Variants in DAZAP1 observed in about 807,000 individuals in gnomAD.
DAZAP1 encodes the protein DAZ associated protein 1, also known as DAZ-associated protein 1.
DAZAP1 carries 6 observed loss-of-function variants against 60.1 expected under a neutral mutation model. The observed-to-expected ratio is 0.10, with a 90% confidence interval of 0.05 to 0.20. The LOEUF is 0.20. DAZAP1 is among the 10% of genes least tolerant of loss of function. The probability of loss-of-function intolerance (pLI) is 1.00; values close to 1 mark genes in which losing one functional copy is unlikely to be tolerated. For missense variants in DAZAP1, 366 were observed against 560.4 expected (o/e 0.65, Z 3.50); for synonymous variants, 235 against 215.9 (o/e 1.09, Z -0.78).
Position 1,435,182 on chromosome 19 carries a change from G to GT in DAZAP1, c.*273dup. 1 of 238,340 alleles carries GT rather than the reference G, an allele frequency of 4.2e-6. No homozygotes were observed. Among genetic ancestry groups the GT allele is most frequent in the Non-Finnish European group, 8.0e-6 (1 of 124,534 alleles). 14.8% of individuals were successfully genotyped at this position (238,340 alleles called of 1,614,324 possible). On this transcript the variant is annotated 3_prime_UTR_variant, in exon 12 of 12. Transcript: ENST00000233078. ...CTTCAGCTTTAATTCAAAACTTCAG[G>GT]TTTCTTTTTCTTCCTTTTTTTTGGA...
intron 2 of DAZAP1, 83 bp downstream of exon 2, chr19:1,417,623 C>A: frequency 7.7e-7 from 1 of 1,291,452 alleles, no homozygotes; most frequent in Non-Finnish European, 1.1e-6. Context: ...CCGCCTCTTG[C>A]TACTGTCTTG....
At chr19:1,415,394 GTT>G (rs3837987) in intron 1 of DAZAP1, among the ~76,000 whole-genome samples, 11 of 69,836 alleles carry the variant, frequency 1.6e-4, no homozygotes, top group African/African-American at 4.2e-4. Flanking sequence ...TGTGTGTTTT[GTT>G]TTTTTTTTTT....
intron 1 of DAZAP1, among the ~76,000 whole-genome samples, chr19:1,411,166 A>G (rs3786976): frequency 0.041 from 6,212 of 152,222 alleles, 165 homozygotes; most frequent in Middle Eastern, 0.086. Context: ...AGTGATAGGG[A>G]ACCTCATGGG....
At position 1,430,963 on chromosome 19, in the gene DAZAP1, C is replaced by T. The variant is rs191595901; in HGVS notation, c.871+601C>T. On this transcript the variant is annotated intron_variant, in intron 10 of 11. Coordinates refer to ENST00000233078, the MANE Select transcript of DAZAP1 (RefSeq NM_018959.4). ...GTCTCGATCTCCTGACCTTGTGATC[C>T]GCCTGCCTCGGCCTCCCAAAGTGCT... Among the ~76,000 whole-genome samples, 367 of 151,522 alleles carry T rather than the reference C, an allele frequency of 2.4e-3. 2 individuals carry two copies. Among genetic ancestry groups the T allele is most frequent in the African/African-American group, 8.4e-3 (347 of 41,258 alleles).
At position 1,421,277 on chromosome 19, in the gene DAZAP1, C is replaced by T. The variant is rs371670210; in HGVS notation, c.414+19C>T. The T allele has an allele frequency of 3.4e-5, 55 of 1,603,276 alleles. No individual in the cohort carries two copies. The highest frequency in any genetic ancestry group is 5.4e-5 in the African/African-American group (4 of 74,740). ...CGGAGTGGTGAGTTTCTCCCCACCC[C>T]GGCAGCACTGTGGGGACAGAGCCGC... is the stretch of plus-strand genomic sequence containing the variant. On this transcript the variant is annotated intron_variant, in intron 5 of 11. Coordinates refer to ENST00000233078, the MANE Select transcript of DAZAP1 (RefSeq NM_018959.4).
chr19:1,412,385 CA>C lies in DAZAP1; in HGVS notation c.29+4584del, dbSNP rs560910431. Reference sequence around the variant, plus strand: ...TCTGGAAGAAGAGAAGGGTTCCCCACACATCAGCCGCCACTGGGCCTGGACT... The same window carrying C: ...TCTGGAAGAAGAGAAGGGTTCCCCACCATCAGCCGCCACTGGGCCTGGACT... On this transcript the variant is annotated intron_variant, in intron 1 of 11. Coordinates refer to ENST00000233078, the MANE Select transcript of DAZAP1 (RefSeq NM_018959.4). Among the ~76,000 whole-genome samples, 464 of 152,332 alleles carry C rather than the reference CA, an allele frequency of 3.0e-3. 3 individuals carry two copies. The highest frequency in any genetic ancestry group is 0.011 in the African/African-American group (447 of 41,566).
At position 1,434,045 on chromosome 19, in the gene DAZAP1, C is replaced by A. The variant is rs1350140041; in HGVS notation, c.1049-692C>A. ...TGCCCACGTGCACCCGAATGGGAACCCAGAGGTCGTGGGAGGGGCTTCCTG... is the reference window on the plus strand; with the variant it reads ...TGCCCACGTGCACCCGAATGGGAACACAGAGGTCGTGGGAGGGGCTTCCTG... On this transcript the variant is annotated intron_variant, in intron 11 of 11. Transcript: ENST00000233078. This position sits in a 1 kb window ranked among gnomAD's most constrained non-coding sequence, Gnocchi z 8.0. 8.7e-6 allele frequency: 5 copies of A among 577,564 alleles called. No individual in the cohort carries two copies. Among genetic ancestry groups the A allele is most frequent in the Non-Finnish European group, 1.5e-5 (5 of 323,652 alleles). 35.8% of individuals were successfully genotyped at this position (577,564 alleles called of 1,614,324 possible). A position where few individuals can be genotyped will look rare whatever the true frequency, so the allele number is the denominator to read the frequency against.
Position 1,423,186 on chromosome 19 carries a change from G to A in DAZAP1, c.463+790G>A, listed in dbSNP as rs1281497576. The stretch of plus-strand genomic sequence containing the variant: ...GGGGCAGCCCCGAGCGCCAGGTGGC[G>A]CCGCAGCATGCCCACCATGCTGGAG... On this transcript the variant is annotated intron_variant, in intron 6 of 11. Coordinates refer to ENST00000233078, the MANE Select transcript of DAZAP1 (RefSeq NM_018959.4). The surrounding 1 kb of genome is among the most constrained non-coding windows in gnomAD (Gnocchi z 6.8). Among the ~76,000 whole-genome samples, 2 of 152,338 alleles carry A rather than the reference G, an allele frequency of 1.3e-5. No homozygotes were observed. The highest frequency in any genetic ancestry group is 2.4e-5 in the African/African-American group (1 of 41,584).
intron 8 of DAZAP1, 129 bp from the exon 9 acceptor site, chr19:1,429,838 G>A (rs1306720960): frequency 1.7e-5 from 19 of 1,149,440 alleles, no homozygotes; most frequent in East Asian, 2.6e-5. Context: ...CCCTCAGGAC[G>A]AACAGGCTCT....
rs552774640 is a variant in DAZAP1, at chr19:1,416,122, C to T, written c.30-1378C>T. ...TGATGAGAGGTGATGAGTGTGCCAG[C>T]CACCTTGCAGGGGTCTTTCCTGGCG... On this transcript the variant is annotated intron_variant, in intron 1 of 11. Transcript: ENST00000233078. This position sits in a 1 kb window ranked among gnomAD's most constrained non-coding sequence, Gnocchi z 4.3. The T allele has an allele frequency of 2.0e-5, 3 of 152,306 alleles. No homozygotes were observed. In the South Asian group the frequency reaches 6.2e-4, roughly 32 times the overall value. The allele number at this position is 152,306 out of a possible 1,614,324, so 9.4% of individuals were successfully genotyped here. A position where few individuals can be genotyped will look rare whatever the true frequency, so the allele number is the denominator to read the frequency against.
Position 1,428,622 on chromosome 19 carries a change from A to T in DAZAP1, c.547-220A>T, listed in dbSNP as rs2083363581. 3.5e-6 allele frequency: 2 copies of T among 579,096 alleles called. No homozygotes were observed. The highest frequency in any genetic ancestry group is 5.9e-6 in the Non-Finnish European group (2 of 341,616). 35.9% of individuals were successfully genotyped at this position (579,096 alleles called of 1,614,324 possible). A position where few individuals can be genotyped will look rare whatever the true frequency, so the allele number is the denominator to read the frequency against. On this transcript the variant is annotated intron_variant, in intron 7 of 11. Transcript: ENST00000233078. This position sits in a 1 kb window ranked among gnomAD's most constrained non-coding sequence, Gnocchi z 4.0. ...CGGGCTCTGTGTGTCTTACGGTTGC[A>T]TCTGTTGTACCTGAGAAACATTTTT...
rs1298559591 is a variant in DAZAP1, at chr19:1,428,823, C to G, written c.547-19C>G. 12 of 1,612,306 alleles carry G rather than the reference C, an allele frequency of 7.4e-6. No homozygotes were observed. Among genetic ancestry groups the G allele is most frequent in the South Asian group, 1.1e-5 (1 of 91,030 alleles). On this transcript the variant is annotated intron_variant, in intron 7 of 11. Coordinates refer to ENST00000233078, the MANE Select transcript of DAZAP1 (RefSeq NM_018959.4). The surrounding 1 kb of genome is among the most constrained non-coding windows in gnomAD (Gnocchi z 4.0). ...TGGGACCCGCAGCCTCGCCCTAAAC[C>G]AGAGCTCGGTTTGTTTAGGTGGAAG...
chr19:1,432,621 C>G lies in DAZAP1; in HGVS notation c.979C>G (p.Pro327Ala), dbSNP rs774027015. The G allele has an allele frequency of 6.2e-7, 1 of 1,613,658 alleles. No individual in the cohort carries two copies. The highest frequency in any genetic ancestry group is 1.1e-5 in the South Asian group (1 of 91,062). Residue 327 changes from proline (P) to alanine (A), a missense_variant, in exon 11 of 12, where the codon CCG becomes GCG. This residue lies in a region of DAZAP1 where 240 missense variants were observed against 308.8 expected (regional missense o/e 0.78). Coordinates refer to ENST00000233078, the MANE Select transcript of DAZAP1 (RefSeq NM_018959.4). The surrounding 1 kb of genome is among the most constrained non-coding windows in gnomAD (Gnocchi z 4.9). ...AGCACCTCTGGCTTTCCCACCGCCT[C>G]CGTCTCAGGCTGCCCCGGACATGAG... ...GAAPLAFPPP[P>A]SQAAPDMSKP...
Position 1,418,180 on chromosome 19 carries a change from G to C in DAZAP1, c.71-24G>C. 6.2e-7 allele frequency: 1 copy of C among 1,612,928 alleles called. No homozygotes were observed. Among genetic ancestry groups the C allele is most frequent in the East Asian group, 2.2e-5 (1 of 44,854 alleles). On this transcript the variant is annotated intron_variant, in intron 2 of 11. Coordinates refer to ENST00000233078, the MANE Select transcript of DAZAP1 (RefSeq NM_018959.4). This position sits in a 1 kb window ranked among gnomAD's most constrained non-coding sequence, Gnocchi z 5.7. ...TAATGCTCTGGCCCTGTGTGTTTGT[G>C]TTTTCTTCCCGATTTCTGAGCAGAG...
In DAZAP1 at chr19:1,433,715, C is replaced by A; in HGVS notation, c.1049-1022C>A. The A allele has an allele frequency of 1.2e-6, 2 of 1,604,946 alleles. No homozygotes were observed. Among genetic ancestry groups the A allele is most frequent in the South Asian group, 2.2e-5 (2 of 90,844 alleles). On this transcript the variant is annotated intron_variant, in intron 11 of 11. Transcript: ENST00000233078. The surrounding 1 kb of genome is among the most constrained non-coding windows in gnomAD (Gnocchi z 6.1). ...CTTGGTGGCGGCTGCTTGGGTTGGT[C>A]ACCCTGGTCTCGTCTCTTGCCAGGC...
In DAZAP1 at chr19:1,418,135, A is replaced by G. The variant is rs56747084; in HGVS notation, c.71-69A>G. ...GGACTGGAGGAGTGTGCGTGCCGGCAGCACTGCCAGGCACGTGCCTAATGC... is the reference window on the plus strand; with the variant it reads ...GGACTGGAGGAGTGTGCGTGCCGGCGGCACTGCCAGGCACGTGCCTAATGC... On this transcript the variant is annotated intron_variant, in intron 2 of 11. Transcript: ENST00000233078. The surrounding 1 kb of genome is among the most constrained non-coding windows in gnomAD (Gnocchi z 5.7). 11,584 of 1,524,808 alleles carry G rather than the reference A, an allele frequency of 7.6e-3. 772 individuals carry two copies. The African/African-American group carries it at 0.14, about 19-fold the overall frequency. 94.5% of individuals were successfully genotyped at this position (1,524,808 alleles called of 1,614,324 possible).
rs758543213 is a variant in DAZAP1 at position 1,422,432 on chromosome 19, C to T, written c.463+36C>T. 11 of 1,601,528 alleles carry T rather than the reference C, an allele frequency of 6.9e-6. No individual in the cohort carries two copies. Among genetic ancestry groups the T allele is most frequent in the East Asian group, 6.7e-5 (3 of 44,638 alleles). On this transcript the variant is annotated intron_variant, in intron 6 of 11. Coordinates refer to ENST00000233078, the MANE Select transcript of DAZAP1 (RefSeq NM_018959.4). This position sits in a 1 kb window ranked among gnomAD's most constrained non-coding sequence, Gnocchi z 4.5. Reference sequence around the variant, plus strand: ...ATCTAGTTTGACCTCGGCCTTCTCCCTGCTCCTCCCTCAGATGGCAAACTA... The same window carrying T: ...ATCTAGTTTGACCTCGGCCTTCTCCTTGCTCCTCCCTCAGATGGCAAACTA...
At chr19:1,408,096 C>T (rs973136230) in intron 1 of DAZAP1, among the ~76,000 whole-genome samples, 1 of 151,602 alleles carries the variant, frequency 6.6e-6, no homozygotes, top group Admixed American at 6.6e-5. Context: ...ACTTCCTGGT[C>T]GGGGGAACCC....
rs1430724774 is a variant in DAZAP1 at position 1,428,132 on chromosome 19, G to A, written c.547-710G>A. 6.6e-6 allele frequency: 1 copy of A among 152,218 alleles called. No individual in the cohort carries two copies. Among genetic ancestry groups the A allele is most frequent in the Non-Finnish European group, 1.5e-5 (1 of 68,098 alleles). The allele number at this position is 152,218 out of a possible 1,614,324, so 9.4% of individuals were successfully genotyped here. A position where few individuals can be genotyped will look rare whatever the true frequency, so the allele number is the denominator to read the frequency against. On this transcript the variant is annotated intron_variant, in intron 7 of 11. Coordinates refer to ENST00000233078, the MANE Select transcript of DAZAP1 (RefSeq NM_018959.4). This position sits in a 1 kb window ranked among gnomAD's most constrained non-coding sequence, Gnocchi z 4.0. The stretch of plus-strand genomic sequence containing the variant: ...CTGAGAAGACTGTGGCTCCTGACAC[G>A]TCTAGAGAGGAAGGGCCCCGGGCTG...
Sources: allele counts gnomAD v4.1 joint callset (sites outside exome capture counted in the v4.1 genomes callset), GRCh38; gene constraint gnomAD v4.1.1; regional missense constraint gnomAD v4.1.1; non-coding constraint Gnocchi (gnomAD v3.1); transcripts MANE v1.5; gene names NCBI Gene and HGNC (gene_info 2026-07-23, HGNC 2026-07-21).